The following MYBL2 variants were observed in gnomAD, a reference collection of about 807,000 sequenced individuals.
MYBL2 encodes the protein myb-related protein B.
In MYBL2, 28 loss-of-function variants were observed where a neutral mutation model predicts 79.9. The ratio of observed to expected loss-of-function variants is 0.35; its 90% CI spans 0.26 to 0.48. The LOEUF (loss-of-function observed/expected upper bound fraction) is 0.48, where lower values mean the gene tolerates loss of function less well. Among genes scored for constraint, MYBL2 ranks in the 20% least tolerant of loss-of-function variants. The pLI is 0.99. For missense variants in MYBL2, 735 were observed against 893.9 expected (o/e 0.82, Z 2.27); for synonymous variants, 378 against 361.2 (o/e 1.05, Z -0.53).
intron 12 of MYBL2, among the ~76,000 whole-genome samples, chr20:43,713,418 G>A (rs531613627): frequency 7.1e-4 from 104 of 145,574 alleles, no homozygotes; most frequent in Non-Finnish European, 1.3e-3. Context: ...TTGGAATTTC[G>A]CTCTTGTTGC....
rs763681835 is a variant in MYBL2, at chr20:43,711,503, C to A, written c.1621C>A (p.Leu541Met). Residue 541 changes from leucine (L) to methionine (M), a missense_variant, in exon 11 of 14, where the codon CTG becomes ATG. Physicochemically the swap from Leu to Met is conservative, Grantham distance 15. Around this residue, in one of 5 missense-constraint regions of MYBL2, gnomAD observed 243 missense variants for 327.2 expected, o/e 0.74. Coordinates refer to ENST00000217026, the MANE Select transcript of MYBL2 (RefSeq NM_002466.4). ...PLKPLPQTPHLEEDLKEVLRS... is the reference protein window; with the variant it reads ...PLKPLPQTPHMEEDLKEVLRS... ...CTACCCACAGCCACAGACCCCGCAC[C>A]TGGAGGAGGACTTGAAGGAGGTGCT... 1.5e-5 allele frequency: 24 copies of A among 1,613,334 alleles called. No homozygotes were observed. In the East Asian group the frequency reaches 4.5e-4, roughly 30 times the overall value.
At chr20:43,703,844 C>G (rs1172071437) in intron 8 of MYBL2, among the ~76,000 whole-genome samples, 5 of 152,110 alleles carry the variant, frequency 3.3e-5, no homozygotes, top group Admixed American at 6.5e-5. Context: ...ACAAGAAATT[C>G]AGCAGTGTTG....
At chr20:43,710,672 G>T (rs1362398370) in intron 10 of MYBL2, among the ~76,000 whole-genome samples, 2 of 152,184 alleles carry the variant, frequency 1.3e-5, no homozygotes, top group Non-Finnish European at 2.9e-5. Context: ...TCTGCAGCGG[G>T]TCCCCCTGCT....
At chr20:43,689,191 T>C (rs1338540790) in intron 5 of MYBL2, among the ~76,000 whole-genome samples, 2 of 152,230 alleles carry the variant, frequency 1.3e-5, no homozygotes, top group African/African-American at 4.8e-5. Context: ...TCCTTGTGAA[T>C]TTTTGCCTTG....
chr20:43,711,551 C>T lies in MYBL2; in HGVS notation c.1669C>T (p.Leu557Phe), dbSNP rs1987906828. 1 of 1,613,706 alleles carries T rather than the reference C, an allele frequency of 6.2e-7. No homozygotes were observed. The highest frequency in any genetic ancestry group is 8.5e-7 in the Non-Finnish European group (1 of 1,179,912). ...GCTGCGTTCTGAGGCTGGCATCGAA[C>T]TCATCATCGAGGACGACATCAGGCC... ...EVLRSEAGIE[L>F]IIEDDIRPEK... The change falls in exon 11 of 14, where the codon CTC (leucine) becomes TTC (phenylalanine). Residue 557 changes from leucine to phenylalanine, a missense_variant. Leu to Phe is a conservative substitution (Grantham distance 22). This residue lies in a region of MYBL2 where 204 missense variants were observed against 202.9 expected (regional missense o/e 1.01). Transcript: ENST00000217026.
intron 13 of MYBL2, 30 bp from the exon 14 acceptor site, chr20:43,715,929 C>T: frequency 1.3e-6 from 2 of 1,597,298 alleles, no homozygotes; most frequent in Non-Finnish European, 1.7e-6. Flanking sequence ...TAGTCCCTGC[C>T]TGGATGGTAA....
intron 11 of MYBL2, among the ~76,000 whole-genome samples, chr20:43,712,184 G>A (rs1445125417): frequency 2.6e-5 from 4 of 152,280 alleles, no homozygotes; most frequent in Admixed American, 6.5e-5. Context: ...TTCTATGCCA[G>A]CCTCCCTCCC....
chr20:43,702,706 A>C lies in MYBL2; in HGVS notation c.1168A>C (p.Ile390Leu). 6.2e-7 allele frequency: 1 copy of C among 1,613,728 alleles called. No individual in the cohort carries two copies. Among genetic ancestry groups the C allele is most frequent in the East Asian group, 2.2e-5 (1 of 44,870 alleles). ...DLSRSSRGEL[I>L]PISPSTEVGG... ...GAGCCGGAGCAGCCGGGGCGAGCTG[A>C]TCCCCATCTCCCCCAGCACTGAAGT... The change falls in exon 8 of 14, where the codon ATC becomes CTC. Residue 390 changes from isoleucine (I) to leucine (L), a missense_variant. Transcript: ENST00000217026.
rs34667075 is a variant in MYBL2, at chr20:43,711,886, C to T, written c.1719+285C>T. 4.3e-3 allele frequency among the ~76,000 whole-genome samples: 654 copies of T among 152,308 alleles called. 2 individuals are homozygous for T. The highest frequency in any genetic ancestry group is 6.8e-3 in the Middle Eastern group (2 of 294). On this transcript the variant is annotated intron_variant, in intron 11 of 13. Transcript: ENST00000217026. ...GGGCTGGATGTGGTGGATGGAGCAG[C>T]AATTACGACCCAGACTGGATCTCCC...
intron 12 of MYBL2, 50 bp downstream of exon 12, chr20:43,713,156 G>A (rs527416340): frequency 6.6e-7 from 1 of 1,519,526 alleles, no homozygotes; most frequent in Non-Finnish European, 9.0e-7. Flanking sequence ...GGACCCTCAA[G>A]GTGGAGTTAG....
chr20:43,697,784 G>A (rs192300368), intron 6 of MYBL2, among the ~76,000 whole-genome samples: 59 of 151,576 alleles, frequency 3.9e-4, no homozygotes, highest in African/African-American at 1.4e-3. Context: ...TCATGGTGGC[G>A]GGCACCTGTA....
At chr20:43,669,347 G>C (rs1986806337) in intron 1 of MYBL2, among the ~76,000 whole-genome samples, 1 of 152,324 alleles carries the variant, frequency 6.6e-6, no homozygotes, top group Admixed American at 6.5e-5. Context: ...AGGAGTGACT[G>C]CCTCTAGACC....
At chr20:43,706,801 C>T (rs1177548449) in intron 9 of MYBL2, among the ~76,000 whole-genome samples, 4 of 144,516 alleles carry the variant, frequency 2.8e-5, no homozygotes, top group South Asian at 2.2e-4. Context: ...CTGCAACCTC[C>T]GCCTCCCGGG....
chr20:43,715,258 G>A lies in MYBL2; in HGVS notation c.1949G>A (p.Arg650Gln), dbSNP rs200657309. 8 of 1,614,176 alleles carry A rather than the reference G, an allele frequency of 5.0e-6. No homozygotes were observed. Among genetic ancestry groups the A allele is most frequent in the African/African-American group, 2.7e-5 (2 of 75,046 alleles). The change falls in exon 13 of 14, where the codon CGA becomes CAA. Residue 650 changes from arginine (R) to glutamine (Q), a missense_variant. Arg to Gln is a conservative substitution (Grantham distance 43, BLOSUM62 1). Transcript: ENST00000217026. Reference sequence around the variant, plus strand: ...AAGGCAGCAGTGGCCCAGAAGCCCCGAAGCCACTTCACGACACCTGCCCCT... The same window carrying A: ...AAGGCAGCAGTGGCCCAGAAGCCCCAAAGCCACTTCACGACACCTGCCCCT... ...PEKAAVAQKP[R>Q]SHFTTPAPMS... is the part of the protein sequence containing the mutation.
intron 2 of MYBL2, among the ~76,000 whole-genome samples, chr20:43,676,085 A>G (rs1043319931): frequency 1.3e-5 from 2 of 151,860 alleles, no homozygotes; most frequent in African/African-American, 4.8e-5. Flanking sequence ...TTGTATTTTT[A>G]GTAGAGACAA....
In MYBL2 at chr20:43,673,802, A is replaced by G. The variant is rs1028533604; in HGVS notation, c.21-4A>G. The G allele has an allele frequency of 1.9e-6, 3 of 1,568,712 alleles. No individual in the cohort carries two copies. The highest frequency in any genetic ancestry group is 1.7e-6 in the Non-Finnish European group (2 of 1,155,604). ...CCTTGACCCTTGGCCTGCTTTCCCCATAGCGAGGATCTGGATGAGCTGCAC... is the reference window on the plus strand; with the variant it reads ...CCTTGACCCTTGGCCTGCTTTCCCCGTAGCGAGGATCTGGATGAGCTGCAC... On this transcript the variant is annotated splice_polypyrimidine_tract_variant and splice_region_variant and intron_variant, in intron 1 of 13. Coordinates refer to ENST00000217026, the MANE Select transcript of MYBL2 (RefSeq NM_002466.4).
At chr20:43,691,015 T>C (rs938525845) in intron 5 of MYBL2, among the ~76,000 whole-genome samples, 3 of 152,382 alleles carry the variant, frequency 2.0e-5, no homozygotes, top group South Asian at 2.1e-4. Flanking sequence ...ACTGTTCTAC[T>C]GTAGATGTGT....
intron 9 of MYBL2, among the ~76,000 whole-genome samples, chr20:43,708,686 C>G (rs1466896514): frequency 6.6e-6 from 1 of 152,220 alleles, no homozygotes; most frequent in African/African-American, 2.4e-5. Flanking sequence ...CAGCCTAACA[C>G]TAATCCCAGA....
At chr20:43,704,877 G>A (rs1987745590) in intron 8 of MYBL2, among the ~76,000 whole-genome samples, 1 of 152,150 alleles carries the variant, frequency 6.6e-6, no homozygotes, top group Admixed American at 6.5e-5. Context: ...TGCCTTCACA[G>A]GTCAGTTCAG....
Sources: gnomAD v4.1 joint callset for allele counts (sites outside exome capture counted in the v4.1 genomes callset) on GRCh38, gnomAD v4.1.1 for gene constraint, gnomAD v4.1.1 regional missense constraint, MANE v1.5 for transcripts, NCBI Gene and HGNC (gene_info 2026-07-23, HGNC 2026-07-21) for gene names.